The following SMAP2 variants were observed in gnomAD, a reference collection of about 807,000 sequenced individuals.
SMAP2 encodes the protein stromal membrane-associated protein 2.
Under a neutral mutation model 56.4 loss-of-function variants are expected in SMAP2, and 25 were observed. That is an observed-to-expected ratio of 0.44 (90% CI 0.32 to 0.62). The LOEUF is 0.62. Among genes scored for constraint, SMAP2 ranks in the 20% least tolerant of loss-of-function variants. The pLI is 0.04. For synonymous variants in SMAP2, 157 were observed against 181.7 expected, an observed-to-expected ratio of 0.86 and a Z score of 1.09; for missense variants, 388 against 545.6, an observed-to-expected ratio of 0.71 and a Z score of 2.88.
rs1374457114 is a variant in SMAP2, at chr1:40,419,276, C to G, written c.1164+2180C>G. Among the ~76,000 whole-genome samples the G allele has an allele frequency of 7.5e-5, 9 of 120,546 alleles. No individual in the cohort carries two copies. The South Asian group carries it at 1.7e-3, about 22-fold the overall frequency. 79.1% of individuals were successfully genotyped at this position (120,546 alleles called of 152,430 possible). On this transcript the variant is annotated intron_variant, in intron 9 of 9. Transcript: ENST00000372718. ...TCTGAATACCAAGATAATTTTCTTC[C>G]TTTCTTTTTTTTTTTTTTTTTTGAG... is the stretch of plus-strand genomic sequence containing the variant.
At chr1:40,407,532 C>T (rs759549469) in intron 2 of SMAP2, among the ~76,000 whole-genome samples, 4 of 152,064 alleles carry the variant, frequency 2.6e-5, no homozygotes, top group Admixed American at 1.3e-4. Flanking sequence ...AAAAAACCTC[C>T]AAATCATAGA....
chr1:40,361,932 C>T (rs1644461736), intron 1 of SMAP2, among the ~76,000 whole-genome samples: 2 of 152,074 alleles, frequency 1.3e-5, no homozygotes, highest in African/African-American at 2.4e-5. Flanking sequence ...AGCCTGTGGC[C>T]AATGCAAAAG....
At chr1:40,376,835 A>G (rs1240422216) in intron 1 of SMAP2, among the ~76,000 whole-genome samples, 1 of 152,248 alleles carries the variant, frequency 6.6e-6, no homozygotes, top group South Asian at 2.1e-4. Flanking sequence ...CTCATCTATT[A>G]ATATCCAGTT....
intron 1 of SMAP2, among the ~76,000 whole-genome samples, chr1:40,401,047 C>CA (rs998303477): frequency 2.6e-5 from 4 of 152,284 alleles, no homozygotes; most frequent in African/African-American, 7.2e-5. Flanking sequence ...ATCACTAGGT[C>CA]AGGAGATCGA....
Position 40,380,784 on chromosome 1 carries a change from C to A in SMAP2, c.103+6561C>A, listed in dbSNP as rs562847886. On this transcript the variant is annotated intron_variant, in intron 1 of 9. Coordinates refer to ENST00000372718, the MANE Select transcript of SMAP2 (RefSeq NM_022733.3). ...ACCTCAGGTGATCGCCCACCTTAGC[C>A]TCCCAAAGTGCTGGGATTATAGGTG... 3.9e-5 allele frequency among the ~76,000 whole-genome samples: 6 copies of A among 152,288 alleles called. No individual in the cohort carries two copies. In the South Asian group the frequency reaches 1.2e-3, roughly 32 times the overall value.
At position 40,386,895 on chromosome 1, in the gene SMAP2, C is replaced by T. The variant is rs1197669908; in HGVS notation, c.103+12672C>T. Among the ~76,000 whole-genome samples, 3 of 141,934 alleles carry T rather than the reference C, an allele frequency of 2.1e-5. No homozygotes were observed. Among genetic ancestry groups the T allele is most frequent in the Non-Finnish European group, 4.5e-5 (3 of 66,854 alleles). 93.1% of individuals were successfully genotyped at this position (141,934 alleles called of 152,430 possible). ...TTGGAGACAAGGTCTCTCGCTCCGT[C>T]GCCCAAGCTGGAGTACAGTGGCACG... is the stretch of plus-strand genomic sequence containing the variant. On this transcript the variant is annotated intron_variant, in intron 1 of 9. Coordinates refer to ENST00000372718, the MANE Select transcript of SMAP2 (RefSeq NM_022733.3). This position sits in a 1 kb window ranked among gnomAD's most constrained non-coding sequence, Gnocchi z 4.1.
At chr1:40,363,928 C>T (rs1160496536) in intron 2 of SMAP2, among the ~76,000 whole-genome samples, 2 of 152,154 alleles carry the variant, frequency 1.3e-5, no homozygotes, top group Non-Finnish European at 2.9e-5. Context: ...AGGGGAATCA[C>T]GAAGCTCACT....
At chr1:40,346,994 CG>C (rs2124149583) in intron 1 of SMAP2, among the ~76,000 whole-genome samples, 1 of 151,788 alleles carries the variant, frequency 6.6e-6, no homozygotes, top group East Asian at 1.9e-4. Context: ...AGACTACAGG[CG>C]TGAGCCACTT....
At chr1:40,356,567 T>C (rs535370958) in intron 1 of SMAP2, among the ~76,000 whole-genome samples, 1 of 152,058 alleles carries the variant, frequency 6.6e-6, no homozygotes, top group Non-Finnish European at 1.5e-5. Context: ...CCTGCCACCA[T>C]GCCCAGCTAA....
chr1:40,388,921 A>C lies in SMAP2; in HGVS notation c.103+14698A>C, dbSNP rs537672375. On this transcript the variant is annotated intron_variant, in intron 1 of 9. Coordinates refer to ENST00000372718, the MANE Select transcript of SMAP2 (RefSeq NM_022733.3). ...CACGAACCCACCGGGAGGAACGAAC[A>C]ATTCCAGACGCGCTGCCTTAAGAGC... 2.6e-5 allele frequency among the ~76,000 whole-genome samples: 4 copies of C among 151,800 alleles called. No homozygotes were observed. The South Asian group carries it at 8.4e-4, about 32-fold the overall frequency.
chr1:40,408,851 G>T lies in SMAP2; in HGVS notation c.323+113G>T. The T allele has an allele frequency of 2.5e-6, 2 of 798,574 alleles. No individual in the cohort carries two copies. The highest frequency in any genetic ancestry group is 3.1e-5 in the South Asian group (2 of 63,568). The allele number at this position is 798,574 out of a possible 1,614,324, so 49.5% of individuals were successfully genotyped here. On this transcript the variant is annotated intron_variant, in intron 3 of 9. Coordinates refer to ENST00000372718, the MANE Select transcript of SMAP2 (RefSeq NM_022733.3). This position sits in a 1 kb window ranked among gnomAD's most constrained non-coding sequence, Gnocchi z 4.3. ...GGGTCATCTCTATGTGGATTAGTCA[G>T]TGTCCTTGCTTGTCCTCTGTCCTGC...
upstream of SMAP2, among the ~76,000 whole-genome samples, chr1:40,371,672 T>A (rs1161638878): frequency 6.6e-6 from 1 of 152,194 alleles, no homozygotes; most frequent in Non-Finnish European, 1.5e-5. Context: ...CTGCTCAAAC[T>A]CATTGGTCTT....
chr1:40,422,025 T>G lies in SMAP2; in HGVS notation c.1214T>G (p.Met405Arg), dbSNP rs751982588. ...GMNFYGANGM[M>R]NYGQSMSGGN... is the part of the protein sequence containing the mutation. ...AACTTCTATGGAGCCAATGGCATGA[T>G]GAACTATGGACAGTCAATGAGTGGC... is the stretch of plus-strand genomic sequence containing the variant. Residue 405 changes from methionine (M) to arginine (R), a missense_variant, in exon 10 of 10, where the codon ATG (methionine) becomes AGG (arginine). Transcript: ENST00000372718. 2 of 1,614,182 alleles carry G rather than the reference T, an allele frequency of 1.2e-6. No individual in the cohort carries two copies. Among genetic ancestry groups the G allele is most frequent in the Non-Finnish European group, 1.7e-6 (2 of 1,180,030 alleles).
At chr1:40,384,008 T>C in intron 1 of SMAP2, among the ~76,000 whole-genome samples, 1 of 152,180 alleles carries the variant, frequency 6.6e-6, no homozygotes, top group Middle Eastern at 3.2e-3. Flanking sequence ...GTGATTCTCA[T>C]GCCTCAGCCT....
chr1:40,364,327 C>A (rs567389203), intron 2 of SMAP2, among the ~76,000 whole-genome samples: 209 of 152,280 alleles, frequency 1.4e-3, no homozygotes, highest in African/African-American at 4.9e-3. Context: ...AGGTGGCTCA[C>A]ACCTGTAATC....
chr1:40,366,112 A>G (rs566210971), intron 2 of SMAP2, among the ~76,000 whole-genome samples: 1 of 151,716 alleles, frequency 6.6e-6, no homozygotes, highest in East Asian at 1.9e-4. Flanking sequence ...GCAATGGAAG[A>G]TGAAATGAAT....
chr1:40,409,550 A>G lies in SMAP2; in HGVS notation c.324-207A>G, dbSNP rs72950025. On this transcript the variant is annotated intron_variant, in intron 3 of 9. Transcript: ENST00000372718. ...GCTATCATCACGCTGAAGGGAAAGC[A>G]TAGGAAGTAATGATTCCCTGCTTTA... Among the ~76,000 whole-genome samples, 393 of 152,386 alleles carry G rather than the reference A, an allele frequency of 2.6e-3. 1 individual carries two copies. The highest frequency in any genetic ancestry group is 8.5e-3 in the African/African-American group (354 of 41,590).
chr1:40,366,440 G>T (rs1278957868), intron 2 of SMAP2, among the ~76,000 whole-genome samples: 1 of 109,616 alleles, frequency 9.1e-6, no homozygotes, highest in Non-Finnish European at 1.8e-5. Context: ...AAATGTTAAG[G>T]GCAGCCAGAG....
rs1268432501 is a variant in SMAP2, at chr1:40,385,195, C to CCA, written c.103+10974_103+10975dup. On this transcript the variant is annotated intron_variant, in intron 1 of 9. Coordinates refer to ENST00000372718, the MANE Select transcript of SMAP2 (RefSeq NM_022733.3). The surrounding 1 kb of genome is among the most constrained non-coding windows in gnomAD (Gnocchi z 4.5). ...TGTGGCTGAAGCTTGCCCTGGAATC[C>CCA]CACCTTTGTAGCATGTCACTCGGTA... is the stretch of plus-strand genomic sequence containing the variant. Among the ~76,000 whole-genome samples, 1 of 152,118 alleles carries CCA rather than the reference C, an allele frequency of 6.6e-6. No homozygotes were observed. The highest frequency in any genetic ancestry group is 2.4e-5 in the African/African-American group (1 of 41,422).
Sources: gnomAD v4.1 joint callset for allele counts (sites outside exome capture counted in the v4.1 genomes callset) on GRCh38, gnomAD v4.1.1 for gene constraint, Gnocchi (gnomAD v3.1) non-coding constraint, MANE v1.5 for transcripts, NCBI Gene and HGNC (gene_info 2026-07-23, HGNC 2026-07-21) for gene names.